Variants in CLTRN observed in about 807,000 individuals in gnomAD.
The protein encoded by CLTRN is collectrin.
A neutral mutation model predicts 14.5 loss-of-function variants in CLTRN; 12 were observed. The observed-to-expected ratio is 0.83, with a 90% CI of 0.53 to 1.34. The LOEUF (loss-of-function observed/expected upper bound fraction) is 1.34. Ranked by LOEUF, CLTRN falls within the 40% of genes most tolerant of loss-of-function variation. The pLI is 0.00. For synonymous variants in CLTRN, 58 were observed against 56.5 expected, an observed-to-expected ratio of 1.03 and a Z score of -0.12; for missense variants, 154 against 165.1, an observed-to-expected ratio of 0.93 and a Z score of 0.37.
intron 2 of CLTRN, among the ~76,000 whole-genome samples, chrX:15,660,271 T>C (rs1208177678): frequency 8.9e-6 from 1 of 111,978 alleles, no homozygotes; most frequent in Non-Finnish European, 1.9e-5. Context: ...GTAAGGTTTA[T>C]GACTGTGCTG....
At chrX:15,671,591 T>C (rs1269623078) in intron 1 of CLTRN, among the ~76,000 whole-genome samples, 2 of 111,283 alleles carry the variant, frequency 1.8e-5, no homozygotes, top group African/African-American at 6.6e-5. Context: ...AATGGGTTCA[T>C]TGTAAATGAC....
At chrX:15,629,266 CTA>C (rs1440374600) in intron 5 of CLTRN, among the ~76,000 whole-genome samples, 1 of 111,269 alleles carries the variant, frequency 9.0e-6, no homozygotes, top group Non-Finnish European at 1.9e-5. Context: ...AGTCCCACCA[CTA>C]TGAGAGTCCC....
At chrX:15,646,672 G>A in intron 3 of CLTRN, 1 of 342,052 alleles carries the variant, frequency 2.9e-6, no homozygotes, top group Non-Finnish European at 5.9e-6. Flanking sequence ...CGCGTCCTGA[G>A]AGAGATGGTT....
intron 3 of CLTRN, among the ~76,000 whole-genome samples, chrX:15,653,409 G>A (rs2147208337): frequency 9.1e-6 from 1 of 110,494 alleles, no homozygotes; most frequent in East Asian, 2.8e-4. Flanking sequence ...TATCAACGTT[G>A]TCATCCTCAG....
In CLTRN at chrX:15,664,786, T is replaced by A; in HGVS notation, c.-11A>T. On this transcript the variant is annotated 5_prime_UTR_variant, in exon 1 of 6. Coordinates refer to ENST00000380342, the MANE Select transcript of CLTRN (RefSeq NM_020665.6). ...GAGCAGCCACAACATTCTTTCAGGG[T>A]GGAAAACACAAGGCAAAGTGAGAAA... 1 of 1,203,207 alleles carries A rather than the reference T, an allele frequency of 8.3e-7. No individual in the cohort carries two copies. The highest frequency in any genetic ancestry group is 1.8e-5 in the South Asian group (1 of 55,913).
At chrX:15,628,240 A>G (rs1408447082) in intron 5 of CLTRN, 113 bp from the exon 6 acceptor site, 17 of 491,076 alleles carry the variant, frequency 3.5e-5, no homozygotes, top group Non-Finnish European at 4.4e-5. Context: ...CCTTAGAACA[A>G]TGAAATAATT....
At chrX:15,656,934 C>A (rs1468493392) in intron 3 of CLTRN, among the ~76,000 whole-genome samples, 4 of 111,074 alleles carry the variant, frequency 3.6e-5, no homozygotes, top group Non-Finnish European at 7.5e-5. Context: ...CTTGAAGGTG[C>A]CATTACTTGC....
chrX:15,667,470 G>A (rs111608093), upstream of CLTRN, among the ~76,000 whole-genome samples: 22,614 of 111,032 alleles, frequency 0.2, 1,884 homozygotes, highest in East Asian at 0.52. Context: ...TTTTCAAAAA[G>A]AGCAATAGAA....
At chrX:15,646,170 C>A (rs754067574) in intron 3 of CLTRN, 60 of 168,897 alleles carry the variant, frequency 3.6e-4, no homozygotes, top group Non-Finnish European at 5.1e-4. Flanking sequence ...CGCCACTTGC[C>A]CCTTCTGCAG....
At chrX:15,637,353 A>G (rs1043936946) in intron 5 of CLTRN, among the ~76,000 whole-genome samples, 3 of 111,658 alleles carry the variant, frequency 2.7e-5, no homozygotes, top group Middle Eastern at 4.2e-3. Flanking sequence ...CTCTCCTCAC[A>G]TTTGACGCAA....
At chrX:15,636,009 C>T (rs76747942) in intron 5 of CLTRN, among the ~76,000 whole-genome samples, 5 of 111,671 alleles carry the variant, frequency 4.5e-5, no homozygotes, top group African/African-American at 1.6e-4. Context: ...TACCACCTCA[C>T]GCCTATTAGA....
At chrX:15,631,801 C>T (rs768892502) in intron 5 of CLTRN, among the ~76,000 whole-genome samples, 68 of 112,003 alleles carry the variant, frequency 6.1e-4, no homozygotes, top group African/African-American at 2.1e-3. Flanking sequence ...GAACTTGCTG[C>T]TTGGTGGACA....
intron 2 of CLTRN, 66 bp from the exon 3 acceptor site, chrX:15,659,167 A>C (rs1312063115): frequency 3.8e-6 from 2 of 530,712 alleles, no homozygotes; most frequent in African/African-American, 2.4e-5. Context: ...TTGTACCCAC[A>C]GTGGCTCTCC....
intron 3 of CLTRN, among the ~76,000 whole-genome samples, chrX:15,650,727 A>AGGGTTTGTTTGTT (rs1929194835): frequency 1.8e-5 from 2 of 112,105 alleles, no homozygotes; most frequent in Non-Finnish European, 3.8e-5. Flanking sequence ...AAGGTAACCT[A>AGGGTTTGTTTGTT]ATGTTCAACA....
Position 15,664,772 on chromosome X carries a change from A to G in CLTRN, c.4T>C (p.Leu2=). 2.5e-6 allele frequency: 3 copies of G among 1,209,623 alleles called. No individual in the cohort carries two copies. Among genetic ancestry groups the G allele is most frequent in the Non-Finnish European group, 3.4e-6 (3 of 893,784 alleles). M[L]WLLFFLVTAI... is the part of the protein sequence containing the mutation. ...GTCACCAGAAAAAAGAGCAGCCACA[A>G]CATTCTTTCAGGGTGGAAAACACAA... is the stretch of plus-strand genomic sequence containing the variant. The change falls in exon 1 of 6, where the codon TTG becomes CTG. Residue 2 remains leucine (L), a synonymous_variant. Transcript: ENST00000380342.
At chrX:15,640,647 T>C (rs41492646) in intron 4 of CLTRN, among the ~76,000 whole-genome samples, 22,199 of 112,015 alleles carry the variant, frequency 0.2, 1,895 homozygotes, top group East Asian at 0.52. Flanking sequence ...ATATGGGTGA[T>C]GAATAGGAGA....
intron 5 of CLTRN, among the ~76,000 whole-genome samples, chrX:15,637,640 A>C (rs1466421273): frequency 8.9e-6 from 1 of 111,972 alleles, no homozygotes; most frequent in Non-Finnish European, 1.9e-5. Flanking sequence ...CTCAGAAGGA[A>C]AGAGATAGCT....
chrX:15,653,848 C>A (rs1330576367), intron 3 of CLTRN, among the ~76,000 whole-genome samples: 1 of 112,577 alleles, frequency 8.9e-6, no homozygotes, highest in African/African-American at 3.2e-5. Context: ...TTCAGAGCAG[C>A]CAGTGGGCTG....
chrX:15,631,809 A>C (rs1928701655), intron 5 of CLTRN, among the ~76,000 whole-genome samples: 1 of 112,141 alleles, frequency 8.9e-6, no homozygotes, highest in African/African-American at 3.2e-5. Context: ...TGCTTGGTGG[A>C]CATGATAAGC....
Sources: gnomAD v4.1 joint callset for allele counts (sites outside exome capture counted in the v4.1 genomes callset) on GRCh38, gnomAD v4.1.1 for gene constraint, MANE v1.5 for transcripts, NCBI Gene and HGNC (gene_info 2026-07-23, HGNC 2026-07-21) for gene names.